The following FGF12 variants were observed in gnomAD, a reference collection of about 807,000 sequenced individuals.
The protein encoded by FGF12 is fibroblast growth factor 12.
FGF12 carries 14 observed loss-of-function variants against 23.6 expected under a neutral mutation model. That is an observed-to-expected ratio of 0.59 (90% CI 0.39 to 0.93). The LOEUF is 0.93. FGF12 is among the 40% of genes least tolerant of loss of function. The probability of loss-of-function intolerance (pLI) is 0.00; values close to 1 mark genes in which losing one functional copy is unlikely to be tolerated. For missense variants in FGF12, 175 were observed against 217.8 expected, an observed-to-expected ratio of 0.80 and a Z score of 1.24; for synonymous variants, 62 against 77.3, an observed-to-expected ratio of 0.80 and a Z score of 1.04.
chr3:192,441,488 G>T (rs556805125), intron 2 of FGF12, among the ~76,000 whole-genome samples: 7 of 152,144 alleles, frequency 4.6e-5, no homozygotes, highest in African/African-American at 1.7e-4. Context: ...GATGTTGCAC[G>T]TTTTTTTCTG....
At chr3:192,646,291 A>C (rs1361881138) in intron 2 of FGF12, among the ~76,000 whole-genome samples, 2 of 152,078 alleles carry the variant, frequency 1.3e-5, no homozygotes, top group Non-Finnish European at 2.9e-5. Flanking sequence ...AGGGGAAGTA[A>C]AGCCTACAAA....
rs150052110 is a variant in FGF12 at position 192,255,255 on chromosome 3, A to C, written c.228+80106T>G. ...CCTCAATAAAAGGTAATTTATTATT[A>C]ATGTTAGAGAAAAGTTTAAATTATT... On this transcript the variant is annotated intron_variant, in intron 4 of 5. Coordinates refer to ENST00000445105, the MANE Select transcript of FGF12 (RefSeq NM_004113.6). 3.0e-3 allele frequency among the ~76,000 whole-genome samples: 452 copies of C among 152,200 alleles called. 4 individuals carry two copies. Among genetic ancestry groups the C allele is most frequent in the Middle Eastern group, 0.017 (5 of 294 alleles).
chr3:192,619,486 C>T (rs904030668), intron 2 of FGF12, among the ~76,000 whole-genome samples: 42 of 152,208 alleles, frequency 2.8e-4, no homozygotes, highest in African/African-American at 8.9e-4. Context: ...AAGCTTCCCC[C>T]GAGCACCTCC....
chr3:192,302,191 G>A (rs1054703874), intron 4 of FGF12, among the ~76,000 whole-genome samples: 8 of 152,142 alleles, frequency 5.3e-5, no homozygotes, highest in Non-Finnish European at 1.2e-4. Context: ...GCCTTAGGCA[G>A]GTCATGTCTC....
chr3:192,400,954 G>A (rs1466898944), intron 2 of FGF12, among the ~76,000 whole-genome samples: 1 of 152,062 alleles, frequency 6.6e-6, no homozygotes, highest in African/African-American at 2.4e-5. Flanking sequence ...TTGTTTTCAG[G>A]ATCCTTTACA....
At chr3:192,440,295 C>A (rs1030584832) in intron 2 of FGF12, among the ~76,000 whole-genome samples, 3 of 152,082 alleles carry the variant, frequency 2.0e-5, no homozygotes, top group African/African-American at 7.2e-5. Flanking sequence ...ATTTTGAAAA[C>A]GTCACTCTGA....
chr3:192,164,486 T>C (rs1171583876), intron 5 of FGF12, among the ~76,000 whole-genome samples: 2 of 152,174 alleles, frequency 1.3e-5, no homozygotes, highest in African/African-American at 4.8e-5. Flanking sequence ...TATTATCATG[T>C]TATCAGTGTA....
intron 2 of FGF12, among the ~76,000 whole-genome samples, chr3:192,398,723 G>T (rs1288531263): frequency 1.3e-5 from 2 of 152,056 alleles, no homozygotes; most frequent in African/African-American, 4.8e-5. Flanking sequence ...CAGAAACTGA[G>T]GTCCATTTCC....
At chr3:192,478,993 T>C (rs1723405039) in intron 2 of FGF12, among the ~76,000 whole-genome samples, 1 of 152,214 alleles carries the variant, frequency 6.6e-6, no homozygotes, top group African/African-American at 2.4e-5. Context: ...TCTCCGGTTG[T>C]ACATATTGAT....
chr3:192,301,694 G>C (rs982995091), intron 4 of FGF12, among the ~76,000 whole-genome samples: 1 of 152,172 alleles, frequency 6.6e-6, no homozygotes, highest in Non-Finnish European at 1.5e-5. Flanking sequence ...GGGTGTTCCA[G>C]ATGAAGGGAG....
chr3:192,227,591 A>G (rs1028274411), intron 4 of FGF12, among the ~76,000 whole-genome samples: 1 of 151,486 alleles, frequency 6.6e-6, no homozygotes, highest in Non-Finnish European at 1.5e-5. Context: ...AAAAAAAAAA[A>G]AAAAAAAGAA....
At chr3:192,460,773 A>G (rs1340281188) in intron 2 of FGF12, among the ~76,000 whole-genome samples, 1 of 151,524 alleles carries the variant, frequency 6.6e-6, no homozygotes, top group Non-Finnish European at 1.5e-5. Context: ...TATATTATTT[A>G]ATTTGCTACT....
intron 4 of FGF12, among the ~76,000 whole-genome samples, chr3:192,249,080 G>C (rs150864078): frequency 3.9e-5 from 6 of 152,088 alleles, no homozygotes; most frequent in African/African-American, 1.4e-4. Context: ...AGATGGTAGC[G>C]AGTTTTTATT....
In FGF12 at chr3:192,709,268, C is replaced by T. The variant is rs904118886; in HGVS notation, c.13+17913G>A. On this transcript the variant is annotated intron_variant, in intron 2 of 5. Coordinates refer to ENST00000445105, the MANE Select transcript of FGF12 (RefSeq NM_004113.6). ...GTTCTTCTAGCTTAAGAATGGTAGCCCTGCTTTCAAAAGAAGCAATGAAAA... is the reference window on the plus strand; with the variant it reads ...GTTCTTCTAGCTTAAGAATGGTAGCTCTGCTTTCAAAAGAAGCAATGAAAA... Among the ~76,000 whole-genome samples, 3 of 152,112 alleles carry T rather than the reference C, an allele frequency of 2.0e-5. No individual in the cohort carries two copies. The East Asian group carries it at 5.8e-4, about 29-fold the overall frequency.
At chr3:192,342,187 G>A (rs903774201) in intron 3 of FGF12, among the ~76,000 whole-genome samples, 30 of 152,030 alleles carry the variant, frequency 2.0e-4, no homozygotes, top group African/African-American at 7.3e-4. Context: ...AATATCTGCT[G>A]AATAAATAAA....
At chr3:192,513,195 AAAT>A (rs1397052975) in intron 2 of FGF12, among the ~76,000 whole-genome samples, 1 of 152,114 alleles carries the variant, frequency 6.6e-6, no homozygotes, top group Non-Finnish European at 1.5e-5. Flanking sequence ...GGAAAAAATG[AAAT>A]AATAACACAT....
chr3:192,357,516 A>G (rs947108667), intron 3 of FGF12, among the ~76,000 whole-genome samples: 2 of 151,964 alleles, frequency 1.3e-5, no homozygotes, highest in African/African-American at 4.8e-5. Flanking sequence ...ACAGTATTTT[A>G]GCCAATGACC....
chr3:192,515,258 C>A (rs1184394018), intron 2 of FGF12: 4 of 152,078 alleles, frequency 2.6e-5, no homozygotes, highest in Non-Finnish European at 4.4e-5. Context: ...GGGCTGCGCG[C>A]GGCCAAGGGC....
intron 2 of FGF12, among the ~76,000 whole-genome samples, chr3:192,689,210 T>C (rs1717864669): frequency 6.6e-6 from 1 of 152,170 alleles, no homozygotes; most frequent in South Asian, 2.1e-4. Flanking sequence ...GTATTATATA[T>C]TTCAAAATAG....
Sources: allele counts gnomAD v4.1 joint callset (sites outside exome capture counted in the v4.1 genomes callset), GRCh38; gene constraint gnomAD v4.1.1; transcripts MANE v1.5; gene names NCBI Gene and HGNC (gene_info 2026-07-23, HGNC 2026-07-21).